Variants in CHP1 observed in about 807,000 individuals in gnomAD.
The protein encoded by CHP1 is calcineurin B homologous protein 1.
Under a neutral mutation model 27.4 loss-of-function variants are expected in CHP1, and 11 were observed. That is an observed-to-expected ratio of 0.40 (90% CI 0.25 to 0.67). CHP1 has a LOEUF of 0.67. CHP1 is among the 30% of genes least tolerant of loss of function. CHP1 has a pLI of 0.38. For synonymous variants in CHP1, 89 were observed against 87.4 expected, an observed-to-expected ratio of 1.02 and a Z score of -0.10; for missense variants, 169 against 251.3, an observed-to-expected ratio of 0.67 and a Z score of 2.22.
intron 2 of CHP1, among the ~76,000 whole-genome samples, chr15:41,249,398 C>T (rs1376730188): frequency 6.6e-6 from 1 of 151,732 alleles, no homozygotes; most frequent in Non-Finnish European, 1.5e-5. Flanking sequence ...AAACCATCTG[C>T]CTGCCTCAGT....
At chr15:41,235,086 T>G (rs2047270018) in intron 1 of CHP1, among the ~76,000 whole-genome samples, 1 of 152,200 alleles carries the variant, frequency 6.6e-6, no homozygotes, top group South Asian at 2.1e-4. Context: ...TACTACCTTC[T>G]TTCAGACTTC....
At chr15:41,239,474 G>C (rs1246897337) in intron 1 of CHP1, among the ~76,000 whole-genome samples, 6 of 152,028 alleles carry the variant, frequency 3.9e-5, no homozygotes, top group Non-Finnish European at 7.4e-5. Context: ...TGAGATTTCA[G>C]CTCACTGCAA....
chr15:41,269,627 C>T (rs1213978527), intron 4 of CHP1, among the ~76,000 whole-genome samples: 2 of 152,102 alleles, frequency 1.3e-5, no homozygotes, highest in African/African-American at 2.4e-5. Context: ...ACTCGAGAGT[C>T]GTGTGTCTTG....
rs138519342 is a variant in CHP1 at position 41,251,161 on chromosome 15, G to A, written c.141-5749G>A. Among the ~76,000 whole-genome samples the A allele has an allele frequency of 1.4e-3, 206 of 152,118 alleles. 2 individuals carry two copies. The highest frequency in any genetic ancestry group is 4.8e-3 in the African/African-American group (198 of 41,508). On this transcript the variant is annotated intron_variant, in intron 2 of 6. Transcript: ENST00000334660. ...GGATGTTTTTAAAGCAAACTTTATT[G>A]AAGTATAACATACAGAAAAGTGCAC... is the stretch of plus-strand genomic sequence containing the variant.
At chr15:41,262,105 G>T (rs920638161) in intron 3 of CHP1, among the ~76,000 whole-genome samples, 5 of 151,994 alleles carry the variant, frequency 3.3e-5, no homozygotes, top group Admixed American at 6.6e-5. Context: ...GGAGGCGGAG[G>T]TTGCAGTGAG....
chr15:41,274,037 T>C (rs545416964), intron 5 of CHP1, among the ~76,000 whole-genome samples: 84 of 151,442 alleles, frequency 5.5e-4, no homozygotes, highest in African/African-American at 1.9e-3. Context: ...CTCAACTCAC[T>C]GCAACCTCCG....
chr15:41,258,306 T>C (rs2047413362), intron 3 of CHP1, among the ~76,000 whole-genome samples: 2 of 152,242 alleles, frequency 1.3e-5, no homozygotes, highest in South Asian at 4.1e-4. Flanking sequence ...ATCCATAGTA[T>C]AGTTATCTAC....
chr15:41,268,577 G>A (rs1048586861), intron 4 of CHP1, among the ~76,000 whole-genome samples: 11 of 151,708 alleles, frequency 7.3e-5, no homozygotes, highest in Admixed American at 2.6e-4. Flanking sequence ...GGGAGGCGGA[G>A]GTTACAGTGA....
intron 5 of CHP1, among the ~76,000 whole-genome samples, chr15:41,272,698 G>C (rs1051247464): frequency 4.6e-5 from 7 of 152,112 alleles, no homozygotes; most frequent in Non-Finnish European, 8.8e-5. Context: ...TGGGATTACA[G>C]GCGTGAGCCA....
At chr15:41,249,752 G>T (rs1259377207) in intron 2 of CHP1, among the ~76,000 whole-genome samples, 2 of 151,960 alleles carry the variant, frequency 1.3e-5, no homozygotes, top group Non-Finnish European at 2.9e-5. Flanking sequence ...GATTACAGGC[G>T]TAAGCCACTG....
chr15:41,274,978 A>G (rs933728840), intron 5 of CHP1, among the ~76,000 whole-genome samples: 2 of 151,476 alleles, frequency 1.3e-5, no homozygotes, highest in African/African-American at 4.9e-5. Context: ...CTTAGTCGAG[A>G]CGGGTTTCAC....
At chr15:41,242,508 A>C (rs2047311757) in intron 1 of CHP1, among the ~76,000 whole-genome samples, 1 of 152,094 alleles carries the variant, frequency 6.6e-6, no homozygotes. Context: ...AATCCCAGCT[A>C]CTTGGGAGAC....
At position 41,238,311 on chromosome 15, in the gene CHP1, C is replaced by T. The variant is rs79049779; in HGVS notation, c.68-5356C>T. Among the ~76,000 whole-genome samples, 800 of 152,002 alleles carry T rather than the reference C, an allele frequency of 5.3e-3. 20 individuals are homozygous for T. The highest frequency in any genetic ancestry group is 0.046 in the East Asian group (237 of 5,132). The stretch of plus-strand genomic sequence containing the variant: ...TAGCTCAGCGTACAGGAATGCACCA[C>T]GATGCCCAGCTAATGATTGATTGAT... On this transcript the variant is annotated intron_variant, in intron 1 of 6. Coordinates refer to ENST00000334660, the MANE Select transcript of CHP1 (RefSeq NM_007236.5).
intron 1 of CHP1, among the ~76,000 whole-genome samples, chr15:41,236,443 G>A (rs893807647): frequency 1.3e-5 from 2 of 151,380 alleles, no homozygotes; most frequent in African/African-American, 4.9e-5. Context: ...TTAATTTTTT[G>A]TAGAGATAGG....
At chr15:41,244,339 A>T (rs1031108791) in intron 2 of CHP1, among the ~76,000 whole-genome samples, 9 of 152,088 alleles carry the variant, frequency 5.9e-5, no homozygotes, top group African/African-American at 2.2e-4. Context: ...CTCTCTGCTT[A>T]CATTTTCCCA....
chr15:41,237,514 T>C (rs6492995), intron 1 of CHP1, among the ~76,000 whole-genome samples: 51,225 of 152,024 alleles, frequency 0.34, 8,860 homozygotes, highest in African/African-American at 0.41. Context: ...TTTTATATAA[T>C]GTTTTAAAAT....
chr15:41,238,844 TC>T (rs1170567839), intron 1 of CHP1, among the ~76,000 whole-genome samples: 1 of 152,036 alleles, frequency 6.6e-6, no homozygotes, highest in East Asian at 1.9e-4. Flanking sequence ...AAAGCAAGCC[TC>T]CATCTCAAAA....
chr15:41,238,580 C>T (rs1284222561), intron 1 of CHP1, among the ~76,000 whole-genome samples: 1 of 151,904 alleles, frequency 6.6e-6, no homozygotes, highest in South Asian at 2.1e-4. Context: ...TGGCTCATGC[C>T]TGTAATCCCA....
chr15:41,258,185 G>T (rs1014244408), intron 3 of CHP1, among the ~76,000 whole-genome samples: 1 of 151,984 alleles, frequency 6.6e-6, no homozygotes, highest in Non-Finnish European at 1.5e-5. Flanking sequence ...GTGTATGTGT[G>T]TTCACATAAT....
Sources: gnomAD v4.1 joint callset for allele counts (sites outside exome capture counted in the v4.1 genomes callset) on GRCh38, gnomAD v4.1.1 for gene constraint, MANE v1.5 for transcripts, NCBI Gene and HGNC (gene_info 2026-07-23, HGNC 2026-07-21) for gene names.